The following PAX5 variants were observed in gnomAD, a reference collection of about 807,000 sequenced individuals.
PAX5 encodes the protein paired box 5.
In PAX5, 9 loss-of-function variants were observed where a neutral mutation model predicts 43.7. That is an observed-to-expected ratio of 0.21 (90% CI 0.12 to 0.36). The LOEUF is 0.36. Ranked by LOEUF, PAX5 falls within the 10% of genes least tolerant of loss-of-function variation. The probability of loss-of-function intolerance (pLI) is 1.00; values close to 1 mark genes in which losing one functional copy is unlikely to be tolerated. For synonymous variants in PAX5, 228 were observed against 214.3 expected (o/e 1.06, Z -0.56); for missense variants, 383 against 532.7 (o/e 0.72, Z 2.77).
chr9:36,910,697 C>T (rs143436342), intron 7 of PAX5, among the ~76,000 whole-genome samples: 323 of 152,276 alleles, frequency 2.1e-3, no homozygotes, highest in African/African-American at 7.4e-3. Flanking sequence ...CAACTGAGAA[C>T]AGCTTTGGGT....
At chr9:36,881,575 A>C (rs886354714) in intron 8 of PAX5, among the ~76,000 whole-genome samples, 1 of 151,556 alleles carries the variant, frequency 6.6e-6, no homozygotes, top group Non-Finnish European at 1.5e-5. Flanking sequence ...CATTATCCTC[A>C]ACCCCAAGGA....
chr9:36,845,753 T>C (rs1822507342), intron 9 of PAX5, among the ~76,000 whole-genome samples: 1 of 152,310 alleles, frequency 6.6e-6, no homozygotes, highest in South Asian at 2.1e-4. Context: ...AAGGCTGAGA[T>C]TACATGGCCT....
chr9:36,966,269 C>A (rs1408261642), intron 6 of PAX5, among the ~76,000 whole-genome samples: 1 of 152,198 alleles, frequency 6.6e-6, no homozygotes, highest in Non-Finnish European at 1.5e-5. Context: ...GTCCAAAGAG[C>A]CCTTGGAAAG....
chr9:37,001,587 G>A (rs1837857823), intron 5 of PAX5, among the ~76,000 whole-genome samples: 2 of 152,180 alleles, frequency 1.3e-5, no homozygotes, highest in Admixed American at 1.3e-4. Flanking sequence ...CCAAACCGAG[G>A]CCACCGGCTC....
intron 6 of PAX5, among the ~76,000 whole-genome samples, chr9:36,947,128 T>A (rs1832592306): frequency 1.3e-5 from 2 of 152,228 alleles, no homozygotes; most frequent in South Asian, 4.1e-4. Context: ...TAAATAAATA[T>A]GCCTGTTCCT....
In PAX5 at chr9:36,882,567, A is replaced by T. The variant is rs573909779; in HGVS notation, c.911-462T>A. ...AGCCTGCCACCACCTGCCTTCAAAG[A>T]CCAGCTCAAATGCCTCCCTTCTCCT... On this transcript the variant is annotated intron_variant, in intron 7 of 9. Coordinates refer to ENST00000358127, the MANE Select transcript of PAX5 (RefSeq NM_016734.3). This position sits in a 1 kb window ranked among gnomAD's most constrained non-coding sequence, Gnocchi z 4.4. Among the ~76,000 whole-genome samples, 34 of 152,258 alleles carry T rather than the reference A, an allele frequency of 2.2e-4. No homozygotes were observed. Among genetic ancestry groups the T allele is most frequent in the African/African-American group, 8.2e-4 (34 of 41,536 alleles).
chr9:36,982,710 G>A (rs1006122943), intron 5 of PAX5, among the ~76,000 whole-genome samples: 1 of 152,296 alleles, frequency 6.6e-6, no homozygotes, highest in East Asian at 1.9e-4. Flanking sequence ...GCCCCTGGGA[G>A]CTTAGCACCC....
intron 6 of PAX5, among the ~76,000 whole-genome samples, chr9:36,949,059 G>T (rs961443933): frequency 1.8e-4 from 28 of 151,988 alleles, no homozygotes; most frequent in Admixed American, 1.8e-3. Flanking sequence ...TTTTTTGTTT[G>T]TTTTGTTTTG....
At chr9:37,026,313 A>G (rs552177951) in intron 1 of PAX5, among the ~76,000 whole-genome samples, 10 of 152,350 alleles carry the variant, frequency 6.6e-5, no homozygotes, top group African/African-American at 2.4e-4. Context: ...CTCGCTGCCC[A>G]AGCTACGCGT....
chr9:36,929,235 GAGGAAGGA>G (rs56223123), intron 6 of PAX5, among the ~76,000 whole-genome samples: 5,603 of 134,246 alleles, frequency 0.042, 152 homozygotes, highest in South Asian at 0.069. Flanking sequence ...AGGAAGGAAG[GAGGAAGGA>G]AGGAAGGAAG....
chr9:36,897,780 A>G (rs36076629), intron 7 of PAX5, among the ~76,000 whole-genome samples: 1 of 152,216 alleles, frequency 6.6e-6, no homozygotes, highest in Non-Finnish European at 1.5e-5. Flanking sequence ...CCAGTAGTCC[A>G]GGGCGCTCAT....
chr9:36,935,765 A>G (rs1193075074), intron 6 of PAX5, among the ~76,000 whole-genome samples: 1 of 152,172 alleles, frequency 6.6e-6, no homozygotes, highest in African/African-American at 2.4e-5. Flanking sequence ...CAGTGATGGG[A>G]ACTCACTACT....
intron 1 of PAX5, among the ~76,000 whole-genome samples, chr9:37,027,923 C>G (rs1840592189): frequency 6.6e-6 from 1 of 152,246 alleles, no homozygotes. Context: ...CGTTCATTGA[C>G]AAACGCGCTG....
At chr9:36,942,380 A>G (rs112907152) in intron 6 of PAX5, among the ~76,000 whole-genome samples, 1,562 of 152,370 alleles carry the variant, frequency 0.01, 22 homozygotes, top group African/African-American at 0.036. Context: ...CCTGGCTTAC[A>G]CTTGCTTCAC....
chr9:37,012,609 A>T (rs988939951), intron 3 of PAX5, among the ~76,000 whole-genome samples: 1 of 152,160 alleles, frequency 6.6e-6, no homozygotes, highest in African/African-American at 2.4e-5. Context: ...TTGACCACAC[A>T]TCCCATGCCC....
chr9:37,002,848 A>T, intron 4 of PAX5, 72 bp from the exon 5 acceptor site: 3 of 1,412,622 alleles, frequency 2.1e-6, no homozygotes, highest in African/African-American at 1.4e-5. Flanking sequence ...ACCGCACGTG[A>T]GGCTGGGGGC....
chr9:37,026,145 A>C (rs1840337680), intron 1 of PAX5, among the ~76,000 whole-genome samples: 1 of 152,248 alleles, frequency 6.6e-6, no homozygotes, highest in Non-Finnish European at 1.5e-5. Flanking sequence ...AAAAGGCGCC[A>C]TCGGAGTAGG....
chr9:37,014,767 G>A (rs1362639431), intron 3 of PAX5, among the ~76,000 whole-genome samples: 2 of 152,186 alleles, frequency 1.3e-5, no homozygotes, highest in East Asian at 3.8e-4. Context: ...CGAGCGGCCA[G>A]GGTGTTGGCA....
chr9:36,985,255 A>G (rs1318534515), intron 5 of PAX5, among the ~76,000 whole-genome samples: 1 of 152,114 alleles, frequency 6.6e-6, no homozygotes, highest in Non-Finnish European at 1.5e-5. Context: ...ACCTTTGCCA[A>G]CTCTGAGCAC....
Sources: gnomAD v4.1 joint callset for allele counts (sites outside exome capture counted in the v4.1 genomes callset) on GRCh38, gnomAD v4.1.1 for gene constraint, Gnocchi (gnomAD v3.1) non-coding constraint, MANE v1.5 for transcripts, NCBI Gene and HGNC (gene_info 2026-07-23, HGNC 2026-07-21) for gene names.